Variants in NECTIN1 observed in about 807,000 individuals in gnomAD.
NECTIN1 encodes the protein nectin cell adhesion molecule 1.
Under a neutral mutation model 48.0 loss-of-function variants are expected in NECTIN1, and 23 were observed. The ratio of observed to expected loss-of-function variants is 0.48; its 90% CI spans 0.34 to 0.68. The LOEUF is 0.68. NECTIN1 is among the 30% of genes least tolerant of loss of function. The pLI, the probability that NECTIN1 is intolerant of heterozygous loss-of-function variation, is 0.01. For missense variants in NECTIN1, 591 were observed against 709.9 expected, an observed-to-expected ratio of 0.83 and a Z score of 1.90; for synonymous variants, 270 against 288.9, an observed-to-expected ratio of 0.93 and a Z score of 0.66.
In NECTIN1 at chr11:119,683,530, G is replaced by C. The variant is rs555716531; in HGVS notation, c.80-4765C>G. On this transcript the variant is annotated intron_variant, in intron 1 of 5. Transcript: ENST00000264025. The surrounding 1 kb of genome is among the most constrained non-coding windows in gnomAD (Gnocchi z 4.0). ...ATTGCATCTGCAGGTCACCTGACTG[G>C]GTGTCAGGTGATAGGTCAGAAACAG... Among the ~76,000 whole-genome samples, 4 of 151,740 alleles carry C rather than the reference G, an allele frequency of 2.6e-5. No individual in the cohort carries two copies. The highest frequency in any genetic ancestry group is 9.7e-5 in the African/African-American group (4 of 41,320).
downstream of NECTIN1, among the ~76,000 whole-genome samples, chr11:119,656,675 A>G (rs919069055): frequency 7.9e-5 from 12 of 152,134 alleles, no homozygotes; most frequent in Admixed American, 3.3e-4. Flanking sequence ...CTCACTGTGG[A>G]ATGGAAGAGG....
chr11:119,684,964 T>C lies in NECTIN1; in HGVS notation c.80-6199A>G, dbSNP rs1229616582. Among the ~76,000 whole-genome samples the C allele has an allele frequency of 1.3e-5, 2 of 152,012 alleles. No homozygotes were observed. Among genetic ancestry groups the C allele is most frequent in the Non-Finnish European group, 2.9e-5 (2 of 67,986 alleles). On this transcript the variant is annotated intron_variant, in intron 1 of 5. Transcript: ENST00000264025. The surrounding 1 kb of genome is among the most constrained non-coding windows in gnomAD (Gnocchi z 5.2). The stretch of plus-strand genomic sequence containing the variant: ...CCCCTCCTGCCTCCAGACTCCCCTC[T>C]ACACTCAGGATGGGGAGGAGGGCTC...
Position 119,677,322 on chromosome 11 carries a change from C to T in NECTIN1, c.734-103G>A, listed in dbSNP as rs1161947441. ...GATGGAAGGAGCAGTGGCATGGAAA[C>T]AGCCAGGAGAGAGGGAAGTGTGGGT... On this transcript the variant is annotated intron_variant, in intron 3 of 5. Coordinates refer to ENST00000264025, the MANE Select transcript of NECTIN1 (RefSeq NM_002855.5). This position sits in a 1 kb window ranked among gnomAD's most constrained non-coding sequence, Gnocchi z 5.4. 1.4e-5 allele frequency: 16 copies of T among 1,146,684 alleles called. No homozygotes were observed. Among genetic ancestry groups the T allele is most frequent in the Non-Finnish European group, 2.1e-5 (16 of 762,218 alleles). 71.0% of individuals were successfully genotyped at this position (1,146,684 alleles called of 1,614,324 possible).
intron 4 of NECTIN1, chr11:119,676,845 G>A (rs982627222): frequency 4.2e-5 from 23 of 544,448 alleles, no homozygotes; most frequent in Non-Finnish European, 6.6e-5. Context: ...TTAGGAAGAG[G>A]GAGGGAAGCA....
At position 119,673,236 on chromosome 11, in the gene NECTIN1, C is replaced by G. The variant is rs558487558; in HGVS notation, c.1003+1923G>C. ...ACAAGAACAAACAGCCCTGAGAAGG[C>G]TCAGGCCAACTCCCTGAGTCCTCTG... is the stretch of plus-strand genomic sequence containing the variant. On this transcript the variant is annotated intron_variant, in intron 5 of 5. Coordinates refer to ENST00000264025, the MANE Select transcript of NECTIN1 (RefSeq NM_002855.5). The surrounding 1 kb of genome is among the most constrained non-coding windows in gnomAD (Gnocchi z 5.8). 5.9e-5 allele frequency among the ~76,000 whole-genome samples: 9 copies of G among 152,172 alleles called. No homozygotes were observed. The highest frequency in any genetic ancestry group is 2.0e-4 in the Admixed American group (3 of 15,286).
chr11:119,645,738 C>T (rs897040523), intron 5 of NECTIN1, among the ~76,000 whole-genome samples: 5 of 152,204 alleles, frequency 3.3e-5, no homozygotes, highest in South Asian at 2.1e-4. Flanking sequence ...CACCGTCACA[C>T]GTGGGGGTTG....
downstream of NECTIN1, among the ~76,000 whole-genome samples, chr11:119,660,276 G>A (rs761917233): frequency 2.0e-4 from 31 of 152,158 alleles, no homozygotes; most frequent in Non-Finnish European, 2.4e-4. Flanking sequence ...CCCACCCCCA[G>A]GATCGATTTG....
chr11:119,658,246 G>A (rs1431531232), downstream of NECTIN1, among the ~76,000 whole-genome samples: 1 of 152,160 alleles, frequency 6.6e-6, no homozygotes, highest in Non-Finnish European at 1.5e-5. Flanking sequence ...TGGGAGGTAT[G>A]CTTGGCAGAA....
chr11:119,638,267 G>A, intron 7 of NECTIN1: 8 of 1,613,602 alleles, frequency 5.0e-6, no homozygotes, highest in Non-Finnish European at 6.8e-6. Flanking sequence ...AAGGCGGTGA[G>A]TGCTGCACAG....
At position 119,663,581 on chromosome 11, in the gene NECTIN1, A is replaced by T; in HGVS notation, c.*1166T>A. On this transcript the variant is annotated 3_prime_UTR_variant, in exon 6 of 6. Transcript: ENST00000264025. Reference sequence around the variant, plus strand: ...CCTCAGTCCCTCGGACTGTGTTTGCAGAGCTTCTGCCATGTGGGCTTCCTT... The same window carrying T: ...CCTCAGTCCCTCGGACTGTGTTTGCTGAGCTTCTGCCATGTGGGCTTCCTT... 1 of 985,602 alleles carries T rather than the reference A, an allele frequency of 1.0e-6. No individual in the cohort carries two copies. The highest frequency in any genetic ancestry group is 1.7e-5 in the African/African-American group (1 of 57,348). The allele number at this position is 985,602 out of a possible 1,614,324, so 61.1% of individuals were successfully genotyped here.
intron 5 of NECTIN1, among the ~76,000 whole-genome samples, chr11:119,646,729 C>T (rs1351211980): frequency 6.6e-6 from 1 of 152,136 alleles, no homozygotes; most frequent in Non-Finnish European, 1.5e-5. Flanking sequence ...TTCATGCCCC[C>T]CACTGCCTCC....
intron 1 of NECTIN1, among the ~76,000 whole-genome samples, chr11:119,694,571 C>T (rs1865311536): frequency 6.6e-6 from 1 of 152,200 alleles, no homozygotes. Context: ...CTATCTATTT[C>T]CTGCTTGGCT....
chr11:119,704,629 T>TC (rs1450578924), intron 1 of NECTIN1, among the ~76,000 whole-genome samples: 2 of 152,190 alleles, frequency 1.3e-5, no homozygotes, highest in Non-Finnish European at 2.9e-5. Flanking sequence ...CACTGGGTGC[T>TC]CCCAGCTTCT....
intron 5 of NECTIN1, among the ~76,000 whole-genome samples, chr11:119,670,957 T>G (rs1864854176): frequency 6.6e-5 from 10 of 151,944 alleles, no homozygotes; most frequent in Admixed American, 6.6e-4. Context: ...TCCTTAAGTC[T>G]TAAGGAGGTT....
In NECTIN1 at chr11:119,690,463, A is replaced by G. The variant is rs184996677; in HGVS notation, c.80-11698T>C. ...AATGACCAGGGGCTGGGGCCAGAAA[A>G]AAAAGGGGATGGGAAACGGAACTAG... On this transcript the variant is annotated intron_variant, in intron 1 of 5. Coordinates refer to ENST00000264025, the MANE Select transcript of NECTIN1 (RefSeq NM_002855.5). 3.3e-4 allele frequency among the ~76,000 whole-genome samples: 50 copies of G among 152,306 alleles called. No homozygotes were observed. The South Asian group carries it at 3.5e-3, about 11-fold the overall frequency.
At chr11:119,639,361 C>T (rs1041478133) in intron 6 of NECTIN1, 3 of 196,332 alleles carry the variant, frequency 1.5e-5, no homozygotes, top group South Asian at 9.9e-5. Flanking sequence ...ACAATGTGGA[C>T]GTTTTGTTCA....
intron 5 of NECTIN1, among the ~76,000 whole-genome samples, chr11:119,670,355 A>G (rs1864844880): frequency 6.6e-6 from 1 of 152,204 alleles, no homozygotes; most frequent in African/African-American, 2.4e-5. Flanking sequence ...TGTTTTGCTC[A>G]TGGATTTATA....
chr11:119,702,399 T>C (rs1049297967), intron 1 of NECTIN1, among the ~76,000 whole-genome samples: 1 of 152,156 alleles, frequency 6.6e-6, no homozygotes, highest in African/African-American at 2.4e-5. Flanking sequence ...AGCCTGGGAG[T>C]GGGTCAGCCA....
At chr11:119,685,664 G>A (rs1404842742) in intron 1 of NECTIN1, among the ~76,000 whole-genome samples, 1 of 152,218 alleles carries the variant, frequency 6.6e-6, no homozygotes, top group Non-Finnish European at 1.5e-5. Flanking sequence ...CCAGTCCTGA[G>A]CCAGCCTCTG....
Sources: allele counts gnomAD v4.1 joint callset (sites outside exome capture counted in the v4.1 genomes callset), GRCh38; gene constraint gnomAD v4.1.1; non-coding constraint Gnocchi (gnomAD v3.1); transcripts MANE v1.5; gene names NCBI Gene and HGNC (gene_info 2026-07-23, HGNC 2026-07-21).